ASPH: variants seen among roughly 807,000 people sequenced by gnomAD.
The protein encoded by ASPH is aspartyl/asparaginyl beta-hydroxylase.
In ASPH, 100 loss-of-function variants were observed where a neutral mutation model predicts 118.4. That is an observed-to-expected ratio of 0.84 (90% CI 0.72 to 1.00). The LOEUF is 1.00. ASPH is among the 50% of genes least tolerant of loss of function. The pLI is 0.00. For missense variants in ASPH, 920 were observed against 919.5 expected (o/e 1.00, Z -0.01); for synonymous variants, 315 against 325.6 (o/e 0.97, Z 0.35).
intron 14 of ASPH, among the ~76,000 whole-genome samples, chr8:61,617,931 TCA>T (rs1491128222): frequency 2.3e-5 from 1 of 43,456 alleles, no homozygotes; most frequent in African/African-American, 9.0e-5. Context: ...AGACGCCATC[TCA>T]AAAAAAAAAA....
chr8:61,563,316 A>G (rs1830604427), intron 17 of ASPH, among the ~76,000 whole-genome samples: 1 of 152,204 alleles, frequency 6.6e-6, no homozygotes, highest in South Asian at 2.1e-4. Context: ...AAAAGGCACC[A>G]AAGTACATAG....
At position 61,680,335 on chromosome 8, in the gene ASPH, T is replaced by C. The variant is rs569125223; in HGVS notation, c.322+633A>G. 5.9e-5 allele frequency among the ~76,000 whole-genome samples: 9 copies of C among 151,914 alleles called. No homozygotes were observed. The South Asian group carries it at 1.2e-3, about 21-fold the overall frequency. On this transcript the variant is annotated intron_variant, in intron 3 of 24. Coordinates refer to ENST00000379454, the MANE Select transcript of ASPH (RefSeq NM_004318.4). ...GCATATTGAAATTAACACCATTCTT[T>C]CCAGCAAGACAGCACTTTAAAACAA...
intron 24 of ASPH, among the ~76,000 whole-genome samples, chr8:61,515,876 A>T (rs1224202495): frequency 3.3e-5 from 5 of 151,974 alleles, no homozygotes; most frequent in Non-Finnish European, 7.4e-5. Context: ...CAGCATCCCA[A>T]TTCCAGCTCT....
intron 1 of ASPH, among the ~76,000 whole-genome samples, chr8:61,694,647 G>T (rs1427394758): frequency 6.6e-6 from 1 of 152,050 alleles, no homozygotes; most frequent in Non-Finnish European, 1.5e-5. Flanking sequence ...GTAGTTTTCA[G>T]TCTCCTTTGC....
At chr8:61,562,351 C>T (rs2131520698) in intron 18 of ASPH, among the ~76,000 whole-genome samples, 1 of 102,362 alleles carries the variant, frequency 9.8e-6, no homozygotes, top group South Asian at 3.7e-4. Flanking sequence ...CTAGACCATA[C>T]TTCTGCCAAA....
intron 24 of ASPH, chr8:61,517,087 T>C (rs1351315667): frequency 6.5e-6 from 1 of 154,436 alleles, no homozygotes; most frequent in African/African-American, 2.4e-5. Flanking sequence ...CAGCTTCCAT[T>C]GCACCATACC....
chr8:61,543,340 G>A (rs750415732), intron 21 of ASPH, among the ~76,000 whole-genome samples: 1 of 152,050 alleles, frequency 6.6e-6, no homozygotes, highest in Non-Finnish European at 1.5e-5. Flanking sequence ...TAATCTTAAA[G>A]AACCTATTTC....
chr8:61,503,393 G>T lies in ASPH; in HGVS notation c.2243C>A (p.Thr748Lys). The change falls in exon 25 of 25, where the codon ACA (threonine) becomes AAA (lysine). Residue 748 changes from threonine to lysine, a missense_variant. By Grantham distance (78) the Thr-to-Lys change is moderately conservative. Coordinates refer to ENST00000379454, the MANE Select transcript of ASPH (RefSeq NM_004318.4). ...TGGAAGGCTGCGTCTCTGCTGTGGTGTCAGTTCCGGATGCCACACATCCAC... is the reference window on the plus strand; with the variant it reads ...TGGAAGGCTGCGTCTCTGCTGTGGTTTCAGTTCCGGATGCCACACATCCAC... The part of the protein sequence containing the change: ...FIVDVWHPEL[T>K]PQQRRSLPAI 1 of 1,611,556 alleles carries T rather than the reference G, an allele frequency of 6.2e-7. No individual in the cohort carries two copies. The highest frequency in any genetic ancestry group is 8.5e-7 in the Non-Finnish European group (1 of 1,178,930).
At chr8:61,606,170 T>C (rs1427439551) in intron 14 of ASPH, among the ~76,000 whole-genome samples, 1 of 152,214 alleles carries the variant, frequency 6.6e-6, no homozygotes, top group Non-Finnish European at 1.5e-5. Flanking sequence ...AGACGCAGTA[T>C]GAATCAAAGT....
chr8:61,630,442 CAT>C (rs367736214), intron 13 of ASPH, among the ~76,000 whole-genome samples: 54 of 152,180 alleles, frequency 3.5e-4, no homozygotes, highest in African/African-American at 9.9e-4. Context: ...AAAATTGTAA[CAT>C]GTGGTAGGAC....
chr8:61,604,864 T>C (rs760389338), intron 14 of ASPH, among the ~76,000 whole-genome samples: 3 of 152,254 alleles, frequency 2.0e-5, no homozygotes, highest in Non-Finnish European at 4.4e-5. Flanking sequence ...AACTTGCTTC[T>C]TTGCTGAATA....
In ASPH at chr8:61,517,636, C is replaced by G. The variant is rs1455190416; in HGVS notation, c.2018G>C (p.Gly673Ala). The change falls in exon 24 of 25, where the codon GGG becomes GCG. Residue 673 changes from glycine (G) to alanine (A), a missense_variant. By Grantham distance (60) the Gly-to-Ala change is moderately conservative. Coordinates refer to ENST00000379454, the MANE Select transcript of ASPH (RefSeq NM_004318.4). ...GQIKYSIMHP[G>A]THVWPHTGPT... ...CCCTGTGTGCGGCCACACGTGAGTC[C>G]CGGGGTGCATGATGGAATATTTGAT... The G allele has an allele frequency of 6.2e-7, 1 of 1,613,912 alleles. No homozygotes were observed. Among genetic ancestry groups the G allele is most frequent in the African/African-American group, 1.3e-5 (1 of 74,930 alleles).
At chr8:61,534,614 A>T (rs1396197222) in intron 21 of ASPH, among the ~76,000 whole-genome samples, 1 of 152,226 alleles carries the variant, frequency 6.6e-6, no homozygotes, top group Non-Finnish European at 1.5e-5. Context: ...GTATATCCTC[A>T]ATCCCATGAC....
At chr8:61,549,074 C>T (rs1824946002) in intron 20 of ASPH, among the ~76,000 whole-genome samples, 1 of 152,186 alleles carries the variant, frequency 6.6e-6, no homozygotes, top group African/African-American at 2.4e-5. Context: ...ATCCCCTCCA[C>T]TACTGCAAAC....
At chr8:61,533,049 C>CATTT (rs1818163485) in intron 21 of ASPH, among the ~76,000 whole-genome samples, 1 of 151,838 alleles carries the variant, frequency 6.6e-6, no homozygotes, top group South Asian at 2.1e-4. Flanking sequence ...TGAAAACTCA[C>CATTT]ATTTTTTCTA....
chr8:61,625,756 C>G (rs1183232328), intron 13 of ASPH: 3 of 985,396 alleles, frequency 3.0e-6, no homozygotes, highest in Non-Finnish European at 3.6e-6. Flanking sequence ...GTATATACAA[C>G]TCAAATCTTC....
At chr8:61,661,841 G>A (rs1284639561) in intron 3 of ASPH, 2 of 402,334 alleles carry the variant, frequency 5.0e-6, no homozygotes, top group Admixed American at 4.4e-5. Flanking sequence ...ATTAATTCAA[G>A]TGTTCATGCT....
intron 3 of ASPH, chr8:61,660,604 T>A (rs1816391532): frequency 6.6e-6 from 1 of 152,058 alleles, no homozygotes; most frequent in African/African-American, 2.4e-5. Context: ...AGCACCTAGA[T>A]CCAGCATAAC....
intron 3 of ASPH, chr8:61,657,026 C>T (rs1313686296): frequency 6.6e-6 from 1 of 152,184 alleles, no homozygotes. Context: ...AACACACCTA[C>T]CTTCCGGGGG....
Sources: gnomAD v4.1 joint callset for allele counts (sites outside exome capture counted in the v4.1 genomes callset) on GRCh38, gnomAD v4.1.1 for gene constraint, MANE v1.5 for transcripts, NCBI Gene and HGNC (gene_info 2026-07-23, HGNC 2026-07-21) for gene names.